Variants in SYN3 observed in about 807,000 individuals in gnomAD.
SYN3 encodes the protein synapsin-3.
In SYN3, 35 loss-of-function variants were observed where a neutral mutation model predicts 65.8. That is an observed-to-expected ratio of 0.53 (90% CI 0.41 to 0.70). SYN3 has a LOEUF of 0.70. Among genes scored for constraint, SYN3 ranks in the 30% least tolerant of loss-of-function variants. The pLI, the probability that SYN3 is intolerant of heterozygous loss-of-function variation, is 0.00. For synonymous variants in SYN3, 270 were observed against 292.9 expected, an observed-to-expected ratio of 0.92 and a Z score of 0.80; for missense variants, 680 against 749.0, an observed-to-expected ratio of 0.91 and a Z score of 1.08.
chr22:32,516,346 G>GATTTATTTATTTATTTATTTATTT (rs58972175), intron 13 of SYN3, among the ~76,000 whole-genome samples: 3 of 149,842 alleles, frequency 2.0e-5, no homozygotes, highest in African/African-American at 7.5e-5. Flanking sequence ...ATACATCTTT[G>GATTTATTTATTTATTTATTTATTT]ATTTATTTAT....
chr22:32,662,334 T>G (rs1181582218), intron 6 of SYN3, among the ~76,000 whole-genome samples: 1 of 152,214 alleles, frequency 6.6e-6, no homozygotes, highest in Non-Finnish European at 1.5e-5. Flanking sequence ...AAATCTTATC[T>G]ATAGTCTGTT....
chr22:32,564,084 C>T lies in SYN3; in HGVS notation c.775-22371G>A, dbSNP rs550246916. Among the ~76,000 whole-genome samples the T allele has an allele frequency of 9.9e-5, 15 of 152,274 alleles. No homozygotes were observed. The South Asian group carries it at 2.5e-3, about 25-fold the overall frequency. Reference sequence around the variant, plus strand: ...CGCAATCCTTAGGCAGTGATTGTTGCAGTTTAGAGCAGAAGTGGTGCAGAG... The same window carrying T: ...CGCAATCCTTAGGCAGTGATTGTTGTAGTTTAGAGCAGAAGTGGTGCAGAG... On this transcript the variant is annotated intron_variant, in intron 7 of 13. Coordinates refer to ENST00000358763, the MANE Select transcript of SYN3 (RefSeq NM_003490.4).
rs148947603 is a variant in SYN3, at chr22:32,644,457, C to T, written c.712-47721G>A. ...GTGGCAGGTGGCAGCTGTCCTGCCA[C>T]GTGAGTGTCAGGGGCCCTGGGAATG... On this transcript the variant is annotated intron_variant, in intron 6 of 13. Coordinates refer to ENST00000358763, the MANE Select transcript of SYN3 (RefSeq NM_003490.4). Among the ~76,000 whole-genome samples the T allele has an allele frequency of 5.1e-3, 771 of 152,202 alleles. 3 individuals carry two copies. Among genetic ancestry groups the T allele is most frequent in the Non-Finnish European group, 8.9e-3 (604 of 68,014 alleles).
intron 4 of SYN3, among the ~76,000 whole-genome samples, chr22:32,923,400 C>T (rs2050385165): frequency 6.6e-6 from 1 of 152,226 alleles, no homozygotes; most frequent in South Asian, 2.1e-4. Context: ...CAGAAATACC[C>T]TCACAGACGC....
In SYN3 at chr22:32,791,597, G is replaced by A. The variant is rs868651425; in HGVS notation, c.711+73318C>T. Among the ~76,000 whole-genome samples the A allele has an allele frequency of 1.1e-4, 17 of 151,252 alleles. No homozygotes were observed. The East Asian group carries it at 1.8e-3, about 16-fold the overall frequency. ...ATCCCTTCTTATTTTCCAAACGCTC[G>A]CCTTCTGCTTGAAGAGGCAGAGTGG... is the stretch of plus-strand genomic sequence containing the variant. On this transcript the variant is annotated intron_variant, in intron 6 of 13. Coordinates refer to ENST00000358763, the MANE Select transcript of SYN3 (RefSeq NM_003490.4).
chr22:32,604,537 A>AGAT (rs1282027235), intron 6 of SYN3, among the ~76,000 whole-genome samples: 15 of 113,746 alleles, frequency 1.3e-4, no homozygotes, highest in African/African-American at 1.7e-4. Context: ...GTCTCCGCTG[A>AGAT]GATACCCTCC....
intron 1 of SYN3, among the ~76,000 whole-genome samples, chr22:33,022,137 ATAAATTCTCCACTCGATGAGGGC>A: frequency 6.6e-6 from 1 of 152,362 alleles, no homozygotes; most frequent in African/African-American, 2.4e-5. Context: ...AACACGGCTT[ATAAATTCTCCACTCGATGAGGGC>A]TAAAACAATT....
At chr22:32,629,583 C>A (rs1569105944) in intron 6 of SYN3, 1 of 152,232 alleles carries the variant, frequency 6.6e-6, no homozygotes, top group Non-Finnish European at 1.5e-5. Flanking sequence ...TTCCTGGGTC[C>A]AAACACCTCC....
intron 6 of SYN3, among the ~76,000 whole-genome samples, chr22:32,848,708 T>C (rs1364306254): frequency 6.6e-6 from 1 of 152,234 alleles, no homozygotes; most frequent in African/African-American, 2.4e-5. Context: ...ATTAGTATCA[T>C]TATGATTCCT....
chr22:32,756,517 A>G (rs1387537109), intron 6 of SYN3, among the ~76,000 whole-genome samples: 7 of 152,228 alleles, frequency 4.6e-5, no homozygotes, highest in Non-Finnish European at 8.8e-5. Context: ...GCCGACTGAT[A>G]TAGTTTGGAT....
intron 4 of SYN3, among the ~76,000 whole-genome samples, chr22:32,917,761 G>A (rs2050223945): frequency 6.6e-6 from 1 of 152,272 alleles, no homozygotes; most frequent in African/African-American, 2.4e-5. Context: ...TCCCAGGGGA[G>A]TTGGCAGATC....
At chr22:32,541,777 CAGGAACA>C in intron 7 of SYN3, 64 bp from the exon 8 acceptor site, 9 of 1,559,780 alleles carry the variant, frequency 5.8e-6, no homozygotes, top group Non-Finnish European at 7.8e-6. Context: ...CACCCTATGC[CAGGAACA>C]AGTGCTCTGT....
At chr22:32,823,104 G>C (rs1399060258) in intron 6 of SYN3, among the ~76,000 whole-genome samples, 1 of 152,158 alleles carries the variant, frequency 6.6e-6, no homozygotes, top group Non-Finnish European at 1.5e-5. Context: ...CACATCATTT[G>C]ATAATCAGAT....
chr22:32,771,097 C>T (rs1432103201), intron 6 of SYN3, among the ~76,000 whole-genome samples: 1 of 152,028 alleles, frequency 6.6e-6, no homozygotes, highest in Non-Finnish European at 1.5e-5. Flanking sequence ...TGTGATGTTC[C>T]CCTCCCTGTG....
rs568535131 is a variant in SYN3 at position 32,526,526 on chromosome 22, GT to G, written c.1318+1391del. On this transcript the variant is annotated intron_variant, in intron 12 of 13. Coordinates refer to ENST00000358763, the MANE Select transcript of SYN3 (RefSeq NM_003490.4). Reference sequence around the variant, plus strand: ...ATATATAATTTATTTATTTTATTTTGTTTTTTTGAGATGGAATCTCCCTCTA... The same window carrying G: ...ATATATAATTTATTTATTTTATTTTGTTTTTTGAGATGGAATCTCCCTCTA... Among the ~76,000 whole-genome samples, 13 of 151,622 alleles carry G rather than the reference GT, an allele frequency of 8.6e-5. No homozygotes were observed. In the East Asian group the frequency reaches 2.3e-3, roughly 27 times the overall value.
intron 6 of SYN3, among the ~76,000 whole-genome samples, chr22:32,740,467 G>C (rs1360804830): frequency 6.6e-6 from 1 of 152,156 alleles, no homozygotes; most frequent in Non-Finnish European, 1.5e-5. Flanking sequence ...AGAATGTGTA[G>C]GAGATTGCCA....
At chr22:32,709,241 A>G (rs756481) in intron 6 of SYN3, among the ~76,000 whole-genome samples, 8,664 of 152,304 alleles carry the variant, frequency 0.057, 274 homozygotes, top group African/African-American at 0.078. Context: ...CTCTGCCTTC[A>G]TTCCAATGAT....
intron 2 of SYN3, among the ~76,000 whole-genome samples, chr22:32,988,705 G>A (rs940122005): frequency 6.6e-5 from 10 of 152,122 alleles, no homozygotes; most frequent in African/African-American, 1.9e-4. Flanking sequence ...TGAGGTCACC[G>A]TCCACCCATC....
At chr22:32,688,031 C>G (rs1428439365) in intron 6 of SYN3, among the ~76,000 whole-genome samples, 3 of 152,192 alleles carry the variant, frequency 2.0e-5, no homozygotes, top group Admixed American at 6.5e-5. Context: ...AGGGGACCTC[C>G]AGGACAAAGA....
Sources: allele counts gnomAD v4.1 joint callset (sites outside exome capture counted in the v4.1 genomes callset), GRCh38; gene constraint gnomAD v4.1.1; transcripts MANE v1.5; gene names NCBI Gene and HGNC (gene_info 2026-07-23, HGNC 2026-07-21).